Variants in SCP2 observed in about 807,000 individuals in gnomAD.
SCP2 encodes the protein sterol carrier protein 2, also known as SCP-2/3-oxoacyl-CoA thiolase.
In SCP2, 48 loss-of-function variants were observed where a neutral mutation model predicts 71.4. The observed-to-expected ratio is 0.67, with a 90% CI of 0.53 to 0.86. The LOEUF is 0.86. Among genes scored for constraint, SCP2 ranks in the 40% least tolerant of loss-of-function variants. The probability of loss-of-function intolerance (pLI) is 0.00; values close to 1 mark genes in which losing one functional copy is unlikely to be tolerated. For missense variants in SCP2, 560 were observed against 655.6 expected (o/e 0.85, Z 1.59); for synonymous variants, 220 against 218.1 (o/e 1.01, Z -0.08).
At chr1:53,034,124 C>CT (rs545103639) in intron 13 of SCP2, among the ~76,000 whole-genome samples, 17 of 151,748 alleles carry the variant, frequency 1.1e-4, no homozygotes, top group Non-Finnish European at 1.8e-4. Flanking sequence ...ATTTTTAGTA[C>CT]TTTTTTTTGG....
At chr1:53,034,588 G>T (rs1261322847) in intron 13 of SCP2, among the ~76,000 whole-genome samples, 1 of 152,088 alleles carries the variant, frequency 6.6e-6, no homozygotes, top group Non-Finnish European at 1.5e-5. Flanking sequence ...TATTTTAAAA[G>T]AGTGAATTTT....
At chr1:53,032,858 T>G (rs1326270009) in intron 13 of SCP2, among the ~76,000 whole-genome samples, 1 of 152,202 alleles carries the variant, frequency 6.6e-6, no homozygotes, top group East Asian at 1.9e-4. Flanking sequence ...GCCCAACTAT[T>G]TGTATGGTTT....
intron 11 of SCP2, among the ~76,000 whole-genome samples, chr1:52,996,705 G>C (rs1659959586): frequency 6.6e-6 from 1 of 152,066 alleles, no homozygotes; most frequent in African/African-American, 2.4e-5. Flanking sequence ...GGGGATCAAG[G>C]GGGGAAAGAG....
chr1:53,020,898 G>A (rs892598640), intron 12 of SCP2, among the ~76,000 whole-genome samples: 1 of 152,088 alleles, frequency 6.6e-6, no homozygotes, highest in African/African-American at 2.4e-5. Flanking sequence ...CGTACTGTAC[G>A]ACCGTCTCCA....
chr1:52,933,964 T>C (rs974027489), intron 1 of SCP2, among the ~76,000 whole-genome samples: 1 of 152,252 alleles, frequency 6.6e-6, no homozygotes, highest in Admixed American at 6.5e-5. Flanking sequence ...CATGCACTTA[T>C]GCATTCACAG....
chr1:52,942,968 C>G (rs985715586), intron 2 of SCP2, among the ~76,000 whole-genome samples: 11 of 152,066 alleles, frequency 7.2e-5, no homozygotes, highest in African/African-American at 2.4e-4. Context: ...TCCCAGAGTG[C>G]TGGGATTACA....
At chr1:53,015,174 T>A in intron 12 of SCP2, 131 bp downstream of exon 12, 1 of 941,666 alleles carries the variant, frequency 1.1e-6, no homozygotes, top group Non-Finnish European at 1.7e-6. Flanking sequence ...TACATTGTTT[T>A]AAGAACATGG....
chr1:52,972,166 A>G lies in SCP2; in HGVS notation c.524-2603A>G, dbSNP rs568520324. On this transcript the variant is annotated intron_variant, in intron 6 of 15. Transcript: ENST00000371514. ...TGAGTGTTCTGAATGTGCACTAGAA[A>G]TGAATATGTAAGAAAGCTTATAGTA... 2.7e-3 allele frequency among the ~76,000 whole-genome samples: 407 copies of G among 152,340 alleles called. 3 individuals are homozygous for G. Among genetic ancestry groups the G allele is most frequent in the African/African-American group, 9.4e-3 (392 of 41,576 alleles).
At chr1:52,975,825 C>T (rs1326453452) in intron 7 of SCP2, among the ~76,000 whole-genome samples, 3 of 152,102 alleles carry the variant, frequency 2.0e-5, no homozygotes, top group African/African-American at 7.2e-5. Flanking sequence ...CATGAAGCGC[C>T]TAGGAGTTAA....
chr1:53,027,693 C>T (rs953244929), intron 12 of SCP2, among the ~76,000 whole-genome samples: 3 of 152,060 alleles, frequency 2.0e-5, no homozygotes, highest in South Asian at 2.1e-4. Flanking sequence ...TTAGTAGATA[C>T]GGGGTTTCTC....
intron 6 of SCP2, among the ~76,000 whole-genome samples, chr1:52,971,327 C>T (rs372982282): frequency 3.9e-4 from 60 of 152,258 alleles, no homozygotes; most frequent in Middle Eastern, 3.4e-3. Flanking sequence ...CCTGGAAATC[C>T]TGTTACTGAT....
intron 1 of SCP2, among the ~76,000 whole-genome samples, chr1:52,932,071 G>A (rs11808653): frequency 1.8e-3 from 267 of 152,146 alleles, no homozygotes; most frequent in African/African-American, 6.2e-3. Context: ...GGTATTAGGA[G>A]AGAAAATAAA....
chr1:53,015,049 T>C lies in SCP2; in HGVS notation c.1235+6T>C, dbSNP rs781512454. On this transcript the variant is annotated splice_donor_region_variant and intron_variant, in intron 12 of 15. Coordinates refer to ENST00000371514, the MANE Select transcript of SCP2 (RefSeq NM_002979.5). ...GGTTTTCCGGAAGCCGCCAGGTGAG[T>C]GACATTCAGAGTTTTGTGTGTCAGT... The C allele has an allele frequency of 3.7e-6, 6 of 1,613,702 alleles. No individual in the cohort carries two copies. The highest frequency in any genetic ancestry group is 5.1e-6 in the Non-Finnish European group (6 of 1,179,720).
chr1:53,030,036 G>A (rs1320220525), intron 13 of SCP2, among the ~76,000 whole-genome samples: 6 of 151,852 alleles, frequency 4.0e-5, no homozygotes, highest in Admixed American at 3.3e-4. Context: ...TTACAGGCAC[G>A]TGCCACCACA....
chr1:52,980,421 C>G lies in SCP2; in HGVS notation c.851C>G (p.Ala284Gly). The G allele has an allele frequency of 6.2e-7, 1 of 1,614,110 alleles. No homozygotes were observed. The highest frequency in any genetic ancestry group is 2.2e-5 in the East Asian group (1 of 44,868). The change falls in exon 10 of 16, where the codon GCT becomes GGT. Residue 284 changes from alanine (A) to glycine (G), a missense_variant. By Grantham distance (60) the Ala-to-Gly change is moderately conservative. Around this residue, in one of 3 missense-constraint regions of SCP2, gnomAD observed 513 missense variants for 573.1 expected, o/e 0.90. Coordinates refer to ENST00000371514, the MANE Select transcript of SCP2 (RefSeq NM_002979.5). The part of the protein sequence containing the change: ...KMVGFDMSKE[A>G]ARKCYEKSGL... ...GTTGGCTTTGATATGAGTAAAGAAG[C>G]TGCAAGAAAATGCTATGAGAAATCT...
intron 6 of SCP2, 53 bp from the exon 7 acceptor site, chr1:52,974,716 A>G: frequency 2.3e-6 from 2 of 874,632 alleles, no homozygotes; most frequent in Non-Finnish European, 4.0e-6. Flanking sequence ...AAGATTTGTT[A>G]ATAAGCAGCG....
chr1:52,983,520 C>T (rs1456470157), intron 10 of SCP2, among the ~76,000 whole-genome samples: 1 of 152,156 alleles, frequency 6.6e-6, no homozygotes, highest in Non-Finnish European at 1.5e-5. Context: ...CCTTTTCTCT[C>T]TGTTCTTCAC....
At chr1:52,947,273 T>G (rs1409097353) in intron 2 of SCP2, among the ~76,000 whole-genome samples, 2 of 126,452 alleles carry the variant, frequency 1.6e-5, no homozygotes, top group African/African-American at 5.8e-5. Flanking sequence ...AAAAAAAGAA[T>G]GAAGAGTGGC....
Position 52,988,132 on chromosome 1 carries a change from T to A in SCP2, c.1077T>A (p.Ala359=). 6.8e-7 allele frequency: 1 copy of A among 1,475,670 alleles called. No individual in the cohort carries two copies. Among genetic ancestry groups the A allele is most frequent in the Non-Finnish European group, 9.5e-7 (1 of 1,054,474 alleles). 91.4% of individuals were successfully genotyped at this position (1,475,670 alleles called of 1,614,324 possible). A position where few individuals can be genotyped will look rare whatever the true frequency, so the allele number is the denominator to read the frequency against. The change falls in exon 11 of 16, where the codon GCT becomes GCA. Residue 359 remains alanine, a synonymous_variant. Transcript: ENST00000371514. ...TTTCAAAGGGACACCCACTAGGCGCTACAGGTAATGCTACATACAGATTTC... is the reference window on the plus strand; with the variant it reads ...TTTCAAAGGGACACCCACTAGGCGCAACAGGTAATGCTACATACAGATTTC... ...GLISKGHPLG[A]TGLAQCAELC... is the part of the protein sequence containing the mutation.
Sources: allele counts gnomAD v4.1 joint callset (sites outside exome capture counted in the v4.1 genomes callset), GRCh38; gene constraint gnomAD v4.1.1; regional missense constraint gnomAD v4.1.1; transcripts MANE v1.5; gene names NCBI Gene and HGNC (gene_info 2026-07-23, HGNC 2026-07-21).